Variants in PARP9 observed in about 807,000 individuals in gnomAD.
PARP9 encodes poly(ADP-ribose) polymerase family member 9.
In PARP9, 48 loss-of-function variants were observed where a neutral mutation model predicts 68.8. That is an observed-to-expected ratio of 0.70 (90% CI 0.55 to 0.89). The LOEUF (loss-of-function observed/expected upper bound fraction) is 0.89. Among genes scored for constraint, PARP9 ranks in the 40% least tolerant of loss-of-function variants. PARP9 has a pLI of 0.00. For missense variants in PARP9, 806 were observed against 969.3 expected, an observed-to-expected ratio of 0.83 and a Z score of 2.24; for synonymous variants, 309 against 333.8, an observed-to-expected ratio of 0.93 and a Z score of 0.81.
intron 4 of PARP9, among the ~76,000 whole-genome samples, chr3:122,554,055 C>T (rs993390093): frequency 1.3e-5 from 2 of 152,186 alleles, no homozygotes; most frequent in Non-Finnish European, 2.9e-5. Flanking sequence ...TGCTTAGTTG[C>T]ACCTTGCATT....
chr3:122,530,956 T>C (rs1047633242), intron 10 of PARP9, among the ~76,000 whole-genome samples: 4 of 152,234 alleles, frequency 2.6e-5, no homozygotes, highest in Admixed American at 1.3e-4. Flanking sequence ...CCAGCTACTC[T>C]AGTAGCCACA....
chr3:122,528,854 C>T (rs1318688065), intron 10 of PARP9, 111 bp from the exon 11 acceptor site: 1 of 1,103,044 alleles, frequency 9.1e-7, no homozygotes, highest in Non-Finnish European at 1.3e-6. Context: ...ATCACTTCCT[C>T]CTGATTCTGA....
At chr3:122,550,081 G>C (rs2079078002) in intron 6 of PARP9, among the ~76,000 whole-genome samples, 1 of 152,004 alleles carries the variant, frequency 6.6e-6, no homozygotes, top group African/African-American at 2.4e-5. Context: ...TTTTTGTTTT[G>C]TTTTGTTTTG....
intron 3 of PARP9, among the ~76,000 whole-genome samples, chr3:122,557,891 AT>A (rs2079839632): frequency 6.6e-6 from 1 of 152,106 alleles, no homozygotes; most frequent in Non-Finnish European, 1.5e-5. Flanking sequence ...ACACTACCTT[AT>A]TTCAGTATTG....
At chr3:122,543,978 A>G (rs939902858) in intron 7 of PARP9, among the ~76,000 whole-genome samples, 2 of 152,382 alleles carry the variant, frequency 1.3e-5, no homozygotes, top group Non-Finnish European at 1.5e-5. Context: ...CGCAAGAATT[A>G]CTGAATTAAA....
intron 9 of PARP9, chr3:122,536,543 C>T (rs1283203343): frequency 1.0e-6 from 1 of 994,988 alleles, no homozygotes; most frequent in Admixed American, 3.2e-5. Flanking sequence ...ATTCCCTGCC[C>T]CTTCTCTAAT....
intron 7 of PARP9, among the ~76,000 whole-genome samples, chr3:122,541,242 C>A (rs990635123): frequency 1.3e-5 from 2 of 152,182 alleles, no homozygotes; most frequent in African/African-American, 4.8e-5. Context: ...CAGTGTTTTA[C>A]CCCTATGATA....
rs566026164 is a variant in PARP9, at chr3:122,556,620, A to G, written c.50-499T>C. On this transcript the variant is annotated intron_variant, in intron 3 of 10. Coordinates refer to ENST00000682323, the MANE Select transcript of PARP9 (RefSeq NM_001146105.2). ...ACCCTGAGACAAAGATGTGAATGTA[A>G]GTAGTTTATTTGGGAGGTGATCCTA... Among the ~76,000 whole-genome samples, 25 of 152,252 alleles carry G rather than the reference A, an allele frequency of 1.6e-4. No homozygotes were observed. The South Asian group carries it at 3.1e-3, about 19-fold the overall frequency.
intron 4 of PARP9, 85 bp downstream of exon 4, chr3:122,555,199 CAT>C: frequency 8.0e-7 from 1 of 1,255,386 alleles, no homozygotes; most frequent in Non-Finnish European, 1.1e-6. Flanking sequence ...ATGGTTTCTA[CAT>C]AGTGTTGCAT....
Position 122,555,521 on chromosome 3 carries a change from G to A in PARP9, c.650C>T (p.Thr217Ile), listed in dbSNP as rs1292749646. The A allele has an allele frequency of 1.9e-6, 3 of 1,613,996 alleles. No individual in the cohort carries two copies. Among genetic ancestry groups the A allele is most frequent in the Non-Finnish European group, 1.7e-6 (2 of 1,180,020 alleles). Residue 217 changes from threonine to isoleucine, a missense_variant, in exon 4 of 11, where the codon ACA becomes ATA. Coordinates refer to ENST00000682323, the MANE Select transcript of PARP9 (RefSeq NM_001146105.2). ...GIFQFPLNLC[T>I]KTIVETIRVS... ...CCGGATAGTCTCTACAATAGTCTTTGTACACAAATTCAGAGGGAACTGAAA... is the reference window on the plus strand; with the variant it reads ...CCGGATAGTCTCTACAATAGTCTTTATACACAAATTCAGAGGGAACTGAAA...
chr3:122,534,028 G>T lies in PARP9; in HGVS notation c.2080+2140C>A, dbSNP rs1043579291. On this transcript the variant is annotated intron_variant, in intron 10 of 10. Coordinates refer to ENST00000682323, the MANE Select transcript of PARP9 (RefSeq NM_001146105.2). ...AGCCTACAGAGATGAGTCAATTGGT[G>T]CAGGTCACATTATGAGTCATGTCTG... The T allele has an allele frequency of 4.7e-5, 46 of 985,394 alleles. No homozygotes were observed. The African/African-American group carries it at 7.5e-4, about 16-fold the overall frequency. 61.0% of individuals were successfully genotyped at this position (985,394 alleles called of 1,614,324 possible). A position where few individuals can be genotyped will look rare whatever the true frequency, so the allele number is the denominator to read the frequency against.
chr3:122,540,408 C>T (rs2078109787), intron 8 of PARP9, 64 bp downstream of exon 8: 1 of 1,575,448 alleles, frequency 6.3e-7, no homozygotes, highest in Non-Finnish European at 8.6e-7. Context: ...TACATACACG[C>T]TCACACCCAA....
intron 7 of PARP9, among the ~76,000 whole-genome samples, chr3:122,544,606 CAGG>C (rs1309346292): frequency 6.6e-6 from 1 of 151,950 alleles, no homozygotes; most frequent in African/African-American, 2.4e-5. Context: ...CACTTGAGCC[CAGG>C]AGTTTAAGAC....
chr3:122,558,324 C>A lies in PARP9; in HGVS notation c.49+110G>T, dbSNP rs145785813. 2.6e-5 allele frequency: 42 copies of A among 1,613,534 alleles called. No individual in the cohort carries two copies. The South Asian group carries it at 4.2e-4, about 16-fold the overall frequency. ...GGGTCCCCACAAGGGTCTGCAGTCACGCACCTGAGCACTTGTAGGGGAGAC... is the reference window on the plus strand; with the variant it reads ...GGGTCCCCACAAGGGTCTGCAGTCAAGCACCTGAGCACTTGTAGGGGAGAC... On this transcript the variant is annotated intron_variant, in intron 3 of 10. Transcript: ENST00000682323.
At position 122,528,052 on chromosome 3, in the gene PARP9, T is replaced by G; in HGVS notation, c.*312A>C. 1 of 195,734 alleles carries G rather than the reference T, an allele frequency of 5.1e-6. No individual in the cohort carries two copies. The highest frequency in any genetic ancestry group is 1.0e-5 in the Non-Finnish European group (1 of 96,502). 12.1% of individuals were successfully genotyped at this position (195,734 alleles called of 1,614,324 possible). A position where few individuals can be genotyped will look rare whatever the true frequency, so the allele number is the denominator to read the frequency against. On this transcript the variant is annotated 3_prime_UTR_variant, in exon 11 of 11. Coordinates refer to ENST00000682323, the MANE Select transcript of PARP9 (RefSeq NM_001146105.2). The stretch of plus-strand genomic sequence containing the variant: ...ATTTTAGAAAATAAAAGGCCTGCGT[T>G]ATATACTAGAAAAATTTCTTCATTA...
rs1328811304 is a variant in PARP9, at chr3:122,545,724, A to C, written c.1327-235T>G. On this transcript the variant is annotated intron_variant, in intron 6 of 10. Coordinates refer to ENST00000682323, the MANE Select transcript of PARP9 (RefSeq NM_001146105.2). ...GAGATGAAATCAAAATCTGGTATAA[A>C]TAAAGAAGACTATACATTCCGAGAC... 6 of 528,338 alleles carry C rather than the reference A, an allele frequency of 1.1e-5. No individual in the cohort carries two copies. In the Admixed American group the frequency reaches 2.1e-4, roughly 18 times the overall value. The allele number at this position is 528,338 out of a possible 1,614,324, so 32.7% of individuals were successfully genotyped here.
intron 6 of PARP9, among the ~76,000 whole-genome samples, chr3:122,547,102 AT>A (rs569257647): frequency 0.051 from 6,340 of 123,192 alleles, 632 homozygotes; most frequent in Admixed American, 0.096. Flanking sequence ...ATATACACGT[AT>A]TTTTTTTTCT....
At chr3:122,546,662 A>G (rs1206051912) in intron 6 of PARP9, among the ~76,000 whole-genome samples, 1 of 152,254 alleles carries the variant, frequency 6.6e-6, no homozygotes, top group African/African-American at 2.4e-5. Flanking sequence ...GCCTGAAGGA[A>G]TGGTCAACAT....
At chr3:122,539,563 C>CTTTCTTTCTTTCT (rs1553714675) in intron 8 of PARP9, among the ~76,000 whole-genome samples, 2 of 80,598 alleles carry the variant, frequency 2.5e-5, no homozygotes, top group East Asian at 4.5e-4. Flanking sequence ...TTCTTTCTTT[C>CTTTCTTTCTTTCT]TTTCTTTTTT....
Sources: gnomAD v4.1 joint callset for allele counts (sites outside exome capture counted in the v4.1 genomes callset) on GRCh38, gnomAD v4.1.1 for gene constraint, MANE v1.5 for transcripts, NCBI Gene and HGNC (gene_info 2026-07-23, HGNC 2026-07-21) for gene names.